Variants in RASAL2 observed in about 807,000 individuals in gnomAD.
The protein encoded by RASAL2 is RAS protein activator like 2, also known as ras GTPase-activating protein nGAP.
Under a neutral mutation model 128.9 loss-of-function variants are expected in RASAL2, and 58 were observed. That is an observed-to-expected ratio of 0.45 (90% CI 0.36 to 0.56). RASAL2 has a LOEUF of 0.56. Ranked by LOEUF, RASAL2 falls within the 20% of genes least tolerant of loss-of-function variation. The probability of loss-of-function intolerance (pLI) is 0.00; values close to 1 mark genes in which losing one functional copy is unlikely to be tolerated. For missense variants in RASAL2, 1,360 were observed against 1,601.6 expected (o/e 0.85, Z 2.57); for synonymous variants, 561 against 580.8 (o/e 0.97, Z 0.49).
At chr1:178,200,254 T>C (rs1338582022) in intron 1 of RASAL2, among the ~76,000 whole-genome samples, 1 of 152,194 alleles carries the variant, frequency 6.6e-6, no homozygotes, top group Non-Finnish European at 1.5e-5. Context: ...AGTTGGCTGC[T>C]TAATACGAAT....
At chr1:178,402,343 G>A (rs1315367240) in intron 4 of RASAL2, among the ~76,000 whole-genome samples, 3 of 151,872 alleles carry the variant, frequency 2.0e-5, no homozygotes, top group Non-Finnish European at 4.4e-5. Flanking sequence ...GGTGGAGGTT[G>A]CAGTGAGCTG....
At chr1:178,174,805 C>G (rs1291869059) in intron 1 of RASAL2, among the ~76,000 whole-genome samples, 5 of 152,116 alleles carry the variant, frequency 3.3e-5, no homozygotes, top group African/African-American at 1.2e-4. Context: ...TAGCTGGTTC[C>G]TTCATGTGCT....
intron 4 of RASAL2, among the ~76,000 whole-genome samples, chr1:178,397,885 G>A (rs1353099127): frequency 6.6e-6 from 1 of 151,638 alleles, no homozygotes; most frequent in African/African-American, 2.4e-5. Context: ...TAAAGTGCTG[G>A]GATTACAGGC....
chr1:178,365,554 C>T (rs1671354679), intron 3 of RASAL2, among the ~76,000 whole-genome samples: 1 of 152,172 alleles, frequency 6.6e-6, no homozygotes, highest in Non-Finnish European at 1.5e-5. Flanking sequence ...TCACTGCAAC[C>T]TCTGCCTCCC....
At chr1:178,127,701 CT>C (rs1411334248) in intron 1 of RASAL2, among the ~76,000 whole-genome samples, 2 of 151,978 alleles carry the variant, frequency 1.3e-5, no homozygotes, top group African/African-American at 4.8e-5. Flanking sequence ...AAAAGATCAC[CT>C]TTAATATCTA....
At chr1:178,464,121 C>G (rs1572125252) in intron 14 of RASAL2, among the ~76,000 whole-genome samples, 157 bp from the exon 15 acceptor site, 1 of 152,322 alleles carries the variant, frequency 6.6e-6, no homozygotes, top group East Asian at 1.9e-4. Context: ...TCTTTCCCCA[C>G]CCCTAGCCTT....
chr1:178,321,417 C>G (rs747867218), intron 3 of RASAL2, among the ~76,000 whole-genome samples: 4 of 152,152 alleles, frequency 2.6e-5, no homozygotes, highest in Non-Finnish European at 5.9e-5. Context: ...TTTCAATACC[C>G]TGAAATCTGG....
intron 1 of RASAL2, among the ~76,000 whole-genome samples, chr1:178,281,589 A>C (rs1666786398): frequency 6.6e-6 from 1 of 152,132 alleles, no homozygotes; most frequent in South Asian, 2.1e-4. Context: ...TTTCTTGCTA[A>C]AGTTAATTTA....
At chr1:178,222,317 A>C (rs1413744552) in intron 1 of RASAL2, among the ~76,000 whole-genome samples, 1 of 151,810 alleles carries the variant, frequency 6.6e-6, no homozygotes, top group East Asian at 1.9e-4. Context: ...TTTTTTCCTT[A>C]TATGTCTTCC....
intron 3 of RASAL2, among the ~76,000 whole-genome samples, chr1:178,306,631 C>T (rs939300866): frequency 6.6e-6 from 1 of 151,940 alleles, no homozygotes; most frequent in Non-Finnish European, 1.5e-5. Flanking sequence ...TTTTGATTTG[C>T]ATTTCTCTGA....
intron 6 of RASAL2, among the ~76,000 whole-genome samples, chr1:178,440,883 T>G (rs1676597470): frequency 6.6e-6 from 1 of 152,132 alleles, no homozygotes; most frequent in African/African-American, 2.4e-5. Context: ...CCTTCTATAA[T>G]ATAGTGAGGA....
intron 1 of RASAL2, among the ~76,000 whole-genome samples, chr1:178,112,181 A>G (rs553473460): frequency 6.6e-6 from 1 of 152,278 alleles, no homozygotes; most frequent in Admixed American, 6.5e-5. Context: ...AAGAATTAAA[A>G]TTCTTAATTT....
intron 3 of RASAL2, among the ~76,000 whole-genome samples, chr1:178,319,380 G>A (rs1668639983): frequency 6.6e-6 from 1 of 151,846 alleles, no homozygotes; most frequent in Non-Finnish European, 1.5e-5. Context: ...ATAATATCCT[G>A]CAGTGTGTTT....
At chr1:178,469,235 T>C (rs1012468430) in intron 17 of RASAL2, among the ~76,000 whole-genome samples, 1 of 152,090 alleles carries the variant, frequency 6.6e-6, no homozygotes, top group Non-Finnish European at 1.5e-5. Flanking sequence ...AGGTCAAGGC[T>C]GTGGTGAGCC....
intron 1 of RASAL2, among the ~76,000 whole-genome samples, chr1:178,228,071 G>A (rs971156431): frequency 1.3e-5 from 2 of 152,152 alleles, no homozygotes; most frequent in African/African-American, 4.8e-5. Context: ...TTAGGCTTTC[G>A]TTAATAATAG....
intron 4 of RASAL2, among the ~76,000 whole-genome samples, chr1:178,408,760 AG>A (rs1443825810): frequency 6.6e-6 from 1 of 152,110 alleles, no homozygotes; most frequent in Non-Finnish European, 1.5e-5. Context: ...GTTATGTTAT[AG>A]TACTTAAAGT....
At chr1:178,283,466 A>C in intron 1 of RASAL2, 98 bp from the exon 2 acceptor site, 2 of 1,427,046 alleles carry the variant, frequency 1.4e-6, no homozygotes, top group Non-Finnish European at 1.9e-6. Context: ...GTTTAGGCTC[A>C]CCTCTTTATT....
chr1:178,176,154 C>T (rs1661882783), intron 1 of RASAL2, among the ~76,000 whole-genome samples: 1 of 152,084 alleles, frequency 6.6e-6, no homozygotes, highest in South Asian at 2.1e-4. Context: ...AGAGGTTGTA[C>T]TACTAATTTA....
At chr1:178,463,846 C>G (rs1211502233) in intron 14 of RASAL2, among the ~76,000 whole-genome samples, 1 of 152,064 alleles carries the variant, frequency 6.6e-6, no homozygotes, top group East Asian at 1.9e-4. Flanking sequence ...TGTGTCTGGG[C>G]TAAACAGATA....
Sources: allele counts gnomAD v4.1 joint callset (sites outside exome capture counted in the v4.1 genomes callset), GRCh38; gene constraint gnomAD v4.1.1; transcripts MANE v1.5; gene names NCBI Gene and HGNC (gene_info 2026-07-23, HGNC 2026-07-21).